UTP25: variants seen among roughly 807,000 people sequenced by gnomAD.
UTP25 encodes UTP25 small subunit processome component.
A neutral mutation model predicts 78.9 loss-of-function variants in UTP25; 50 were observed. The observed-to-expected ratio is 0.63, with a 90% CI of 0.50 to 0.80. UTP25 has a LOEUF of 0.80. Among genes scored for constraint, UTP25 ranks in the 30% least tolerant of loss-of-function variants. UTP25 has a pLI of 0.00. For synonymous variants in UTP25, 329 were observed against 336.5 expected (o/e 0.98, Z 0.24); for missense variants, 846 against 911.3 (o/e 0.93, Z 0.92).
chr1:209,831,609 G>A (rs1187442386), intron 3 of UTP25, among the ~76,000 whole-genome samples: 2 of 152,070 alleles, frequency 1.3e-5, no homozygotes, highest in Admixed American at 6.5e-5. Flanking sequence ...ACAGTAAAAC[G>A]TATCCAATTT....
intron 1 of UTP25, 29 bp downstream of exon 1, chr1:209,828,199 G>A (rs1390010330): frequency 2.8e-5 from 44 of 1,555,408 alleles, no homozygotes; most frequent in Non-Finnish European, 3.8e-5. Context: ...GGGCTCCCCA[G>A]TCGCCAGAGA....
rs2078239535 is a variant in UTP25, at chr1:209,851,639, G to T, written c.*192G>T. On this transcript the variant is annotated 3_prime_UTR_variant, in exon 12 of 12. Transcript: ENST00000491415. ...AAAGTTAAATGTAAACCAGATTTTG[G>T]TAAATCCCATCTTTCAGAAGTGAAG... is the stretch of plus-strand genomic sequence containing the variant. The T allele has an allele frequency of 3.1e-6, 2 of 641,204 alleles. No individual in the cohort carries two copies. The highest frequency in any genetic ancestry group is 3.7e-5 in the African/African-American group (2 of 53,802). The allele number at this position is 641,204 out of a possible 1,614,324, so 39.7% of individuals were successfully genotyped here. A position where few individuals can be genotyped will look rare whatever the true frequency, so the allele number is the denominator to read the frequency against.
chr1:209,830,828 C>G lies in UTP25; in HGVS notation c.173C>G (p.Ser58Cys), dbSNP rs755929312. 1.2e-5 allele frequency: 20 copies of G among 1,613,880 alleles called. No homozygotes were observed. Among genetic ancestry groups the G allele is most frequent in the Non-Finnish European group, 1.7e-5 (20 of 1,179,854 alleles). Residue 58 changes from serine to cysteine, a missense_variant, in exon 3 of 12, where the codon TCT (serine) becomes TGT (cysteine). Ser to Cys is a moderately radical substitution (Grantham distance 112, BLOSUM62 -1). Transcript: ENST00000491415. Reference sequence around the variant, plus strand: ...TCAGAGAGTTCAGATTCTTCAGATTCTGAAAGCGACTCAGAGAGTGAACCA... The same window carrying G: ...TCAGAGAGTTCAGATTCTTCAGATTGTGAAAGCGACTCAGAGAGTGAACCA... ...QLSESSDSSD[S>C]ESDSESEPQQ...
intron 7 of UTP25, among the ~76,000 whole-genome samples, chr1:209,840,560 A>T (rs1418831710): frequency 6.6e-6 from 1 of 152,174 alleles, no homozygotes; most frequent in Non-Finnish European, 1.5e-5. Flanking sequence ...CAGAGGCCGG[A>T]TTGCAGTGGA....
chr1:209,830,854 C>CA lies in UTP25; in HGVS notation c.201dup (p.Gln68ThrfsTer17), dbSNP rs1558051103. 1.2e-6 allele frequency: 2 copies of CA among 1,613,850 alleles called. No homozygotes were observed. The highest frequency in any genetic ancestry group is 3.3e-5 in the Admixed American group (2 of 59,996). Reference sequence around the variant, plus strand: ...TGAAAGCGACTCAGAGAGTGAACCACAACAAGTTTCTGGCTACCACAGACT... The same window carrying CA: ...TGAAAGCGACTCAGAGAGTGAACCACAAACAAGTTTCTGGCTACCACAGACT... On this transcript the variant is annotated frameshift_variant, in exon 3 of 12. Transcript: ENST00000491415. LOFTEE classifies it high-confidence loss of function.
At position 209,836,855 on chromosome 1, in the gene UTP25, T is replaced by C. The variant is rs767959214; in HGVS notation, c.706T>C (p.Phe236Leu). 7 of 1,613,488 alleles carry C rather than the reference T, an allele frequency of 4.3e-6. No individual in the cohort carries two copies. In the African/African-American group the frequency reaches 9.4e-5, roughly 22 times the overall value. The change falls in exon 6 of 12, where the codon TTT becomes CTT. Residue 236 changes from phenylalanine to leucine, a missense_variant. Transcript: ENST00000491415. ...CTCTAAGTTTCAGAAGTTGGAAACA[T>C]TTAAACCCCCAAAGGATATTGACTT... ...FSSKFQKLET[F>L]KPPKDIDLKS...
rs989711906 is a variant in UTP25 at position 209,857,315 on chromosome 1, A to C, written c.*5868A>C. On this transcript the variant is annotated 3_prime_UTR_variant, in exon 12 of 12. Transcript: ENST00000491415. Reference sequence around the variant, plus strand: ...CCTATGAAACTTGCTTCTCCAGGCCAATCATCCTTACTTCCTTAAACTTTT... The same window carrying C: ...CCTATGAAACTTGCTTCTCCAGGCCCATCATCCTTACTTCCTTAAACTTTT... 2.0e-5 allele frequency: 3 copies of C among 152,100 alleles called. No homozygotes were observed. Among genetic ancestry groups the C allele is most frequent in the Admixed American group, 6.5e-5 (1 of 15,270 alleles). The allele number at this position is 152,100 out of a possible 1,614,324, so 9.4% of individuals were successfully genotyped here.
At chr1:209,836,734 A>C in intron 5 of UTP25, 67 bp from the exon 6 acceptor site, 1 of 1,501,532 alleles carries the variant, frequency 6.7e-7, no homozygotes, top group South Asian at 1.3e-5. Flanking sequence ...CGCTAAATAT[A>C]GTACTATGTG....
intron 3 of UTP25, among the ~76,000 whole-genome samples, chr1:209,832,169 A>G (rs540771823): frequency 1.9e-4 from 29 of 152,038 alleles, no homozygotes; most frequent in African/African-American, 7.0e-4. Flanking sequence ...AAAATAATAT[A>G]TATTTACTGT....
Position 209,833,343 on chromosome 1 carries a change from T to C in UTP25, c.547T>C (p.Leu183=), listed in dbSNP as rs1364624600. 4 of 1,576,174 alleles carry C rather than the reference T, an allele frequency of 2.5e-6. No individual in the cohort carries two copies. The highest frequency in any genetic ancestry group is 2.4e-5 in the South Asian group (2 of 84,370). The change falls in exon 4 of 12, where the codon TTG becomes CTG. Residue 183 remains leucine, a synonymous_variant. Coordinates refer to ENST00000491415, the MANE Select transcript of UTP25 (RefSeq NM_014388.7). ...LEEESGDNSS[L]KASQDPFLQH... The stretch of plus-strand genomic sequence containing the variant: ...AGAGGAAAGTGGAGACAACTCTTCT[T>C]TGAAAGCCTCTCAAGGTCATAGCAC...
rs769348999 is a variant in UTP25, at chr1:209,842,297, G to C, written c.1518G>C (p.Leu506=). The change falls in exon 9 of 12, where the codon CTG becomes CTC. Residue 506 remains leucine (L), a synonymous_variant. Coordinates refer to ENST00000491415, the MANE Select transcript of UTP25 (RefSeq NM_014388.7). ...TGAATCACATGAACCTACTACCCCTGGACTCACATGGGGTAGACTTTTCTC... is the reference window on the plus strand; with the variant it reads ...TGAATCACATGAACCTACTACCCCTCGACTCACATGGGGTAGACTTTTCTC... ...HLMNHMNLLP[L]DSHGVDFSRV... 10 of 1,613,762 alleles carry C rather than the reference G, an allele frequency of 6.2e-6. No homozygotes were observed. In the East Asian group the frequency reaches 2.0e-4, roughly 32 times the overall value.
intron 11 of UTP25, among the ~76,000 whole-genome samples, chr1:209,846,732 A>C (rs572670969): frequency 9.2e-5 from 14 of 152,318 alleles, no homozygotes; most frequent in African/African-American, 3.4e-4. Flanking sequence ...AGCTATGGAG[A>C]CTTGCCACTA....
chr1:209,842,873 G>A (rs1181784516), intron 10 of UTP25, 178 bp downstream of exon 10: 2 of 603,644 alleles, frequency 3.3e-6, no homozygotes, highest in Admixed American at 5.8e-5. Context: ...GAGAAATAGT[G>A]ACTTTGGCCT....
chr1:209,851,701 A>G lies in UTP25; in HGVS notation c.*254A>G, dbSNP rs1184578573. 1 of 334,756 alleles carries G rather than the reference A, an allele frequency of 3.0e-6. No homozygotes were observed. The highest frequency in any genetic ancestry group is 4.4e-5 in the Admixed American group (1 of 22,604). The allele number at this position is 334,756 out of a possible 1,614,324, so 20.7% of individuals were successfully genotyped here. ...AGGACTCTGAGAAGTTGGTAGAAGA[A>G]AACTCCCACTTGTGAATATTTTTGT... On this transcript the variant is annotated 3_prime_UTR_variant, in exon 12 of 12. Coordinates refer to ENST00000491415, the MANE Select transcript of UTP25 (RefSeq NM_014388.7).
intron 7 of UTP25, among the ~76,000 whole-genome samples, chr1:209,839,839 G>A (rs2078156262): frequency 6.6e-6 from 1 of 152,196 alleles, no homozygotes; most frequent in South Asian, 2.1e-4. Context: ...AGGCAGTGCA[G>A]GATATGTGTG....
intron 8 of UTP25, 63 bp from the exon 9 acceptor site, chr1:209,842,202 A>C: frequency 6.7e-7 from 1 of 1,501,880 alleles, no homozygotes; most frequent in Non-Finnish European, 9.1e-7. Flanking sequence ...GAAAATGTTT[A>C]GCAATGTCCA....
In UTP25 at chr1:209,837,216, G is replaced by A; in HGVS notation, c.1062+5G>A. ...CAAGGGTTAACAAGGCCCAAGGTGA[G>A]TCCAGCAGGAAAGCTTTGCTCTCGA... On this transcript the variant is annotated splice_donor_5th_base_variant and intron_variant, in intron 6 of 11. Transcript: ENST00000491415. 6.2e-7 allele frequency: 1 copy of A among 1,609,856 alleles called. No homozygotes were observed. Among genetic ancestry groups the A allele is most frequent in the Non-Finnish European group, 8.5e-7 (1 of 1,177,270 alleles).
chr1:209,832,369 A>G (rs1241398513), intron 3 of UTP25, among the ~76,000 whole-genome samples: 1 of 152,150 alleles, frequency 6.6e-6, no homozygotes, highest in Non-Finnish European at 1.5e-5. Context: ...GTGGATTCAC[A>G]TTAGCTTCTT....
intron 11 of UTP25, among the ~76,000 whole-genome samples, chr1:209,845,456 ATGGCAACTG>A (rs1159357098): frequency 6.6e-6 from 1 of 152,238 alleles, no homozygotes; most frequent in African/African-American, 2.4e-5. Context: ...GTGATTGTCT[ATGGCAACTG>A]TGAATTAAGC....
Sources: gnomAD v4.1 joint callset for allele counts (sites outside exome capture counted in the v4.1 genomes callset) on GRCh38, gnomAD v4.1.1 for gene constraint, MANE v1.5 for transcripts, NCBI Gene and HGNC (gene_info 2026-07-23, HGNC 2026-07-21) for gene names.